The following RARB variants were observed in gnomAD, a reference collection of about 807,000 sequenced individuals.
The protein encoded by RARB is HBV-activated protein.
RARB carries 17 observed loss-of-function variants against 51.9 expected under a neutral mutation model. That is an observed-to-expected ratio of 0.33 (90% confidence interval 0.22 to 0.49). The LOEUF is 0.49. Among genes scored for constraint, RARB ranks in the 20% least tolerant of loss-of-function variants. The pLI, the probability that RARB is intolerant of heterozygous loss-of-function variation, is 0.99. For synonymous variants in RARB, 215 were observed against 195.4 expected (o/e 1.10, Z -0.84); for missense variants, 369 against 550.8 (o/e 0.67, Z 3.30).
At chr3:25,289,133 C>A (rs900668907) in intron 5 of RARB, among the ~76,000 whole-genome samples, 1 of 152,210 alleles carries the variant, frequency 6.6e-6, no homozygotes, top group Non-Finnish European at 1.5e-5. Flanking sequence ...AGATTTAGAG[C>A]CAACTTCAAT....
At chr3:25,248,093 C>T (rs977059995) in intron 5 of RARB, among the ~76,000 whole-genome samples, 4 of 151,992 alleles carry the variant, frequency 2.6e-5, no homozygotes, top group South Asian at 2.1e-4. Flanking sequence ...TTTTTATTTC[C>T]TCTTGCTGGA....
At chr3:25,259,661 TAGTATG>T (rs1227151408) in intron 5 of RARB, among the ~76,000 whole-genome samples, 6 of 152,210 alleles carry the variant, frequency 3.9e-5, no homozygotes, top group African/African-American at 7.2e-5. Flanking sequence ...TTACAGCAGC[TAGTATG>T]AGTATAACTA....
intron 3 of RARB, among the ~76,000 whole-genome samples, chr3:25,537,799 T>C (rs555402182): frequency 1.3e-5 from 2 of 152,320 alleles, no homozygotes; most frequent in South Asian, 4.1e-4. Flanking sequence ...ACTCTTGCTC[T>C]TCTTTACCCA....
intron 2 of RARB, among the ~76,000 whole-genome samples, chr3:24,899,667 G>GA (rs1000207868): frequency 1.1e-4 from 16 of 148,348 alleles, no homozygotes; most frequent in Admixed American, 2.7e-4. Flanking sequence ...GTTTTGAGGA[G>GA]AAAAAAAAAA....
intron 4 of RARB, among the ~76,000 whole-genome samples, chr3:25,576,341 G>T (rs1700928602): frequency 6.6e-6 from 1 of 152,172 alleles, no homozygotes; most frequent in Non-Finnish European, 1.5e-5. Context: ...CAGGGCTTTT[G>T]ATCTTTCTCA....
chr3:25,165,778 T>A (rs1490296758), intron 4 of RARB, among the ~76,000 whole-genome samples: 1 of 152,216 alleles, frequency 6.6e-6, no homozygotes, highest in Admixed American at 6.5e-5. Context: ...GGGTTGAGCA[T>A]TGACTCCCTA....
intron 3 of RARB, among the ~76,000 whole-genome samples, chr3:25,506,123 C>T (rs182779451): frequency 3.1e-4 from 47 of 152,022 alleles, no homozygotes; most frequent in Non-Finnish European, 4.6e-4. Context: ...CATGGTAGCG[C>T]GCTCCTATAA....
At chr3:25,585,631 T>A (rs1045546072) in intron 5 of RARB, among the ~76,000 whole-genome samples, 1 of 152,204 alleles carries the variant, frequency 6.6e-6, no homozygotes, top group African/African-American at 2.4e-5. Flanking sequence ...GCCACAGTGA[T>A]GCGTGGGTGG....
rs146503087 is a variant in RARB at position 25,580,302 on chromosome 3, A to T, written c.610-244A>T. Among the ~76,000 whole-genome samples the T allele has an allele frequency of 2.8e-4, 42 of 152,356 alleles. No individual in the cohort carries two copies. The East Asian group carries it at 6.8e-3, about 25-fold the overall frequency. On this transcript the variant is annotated intron_variant, in intron 4 of 7. Coordinates refer to ENST00000330688, the MANE Select transcript of RARB (RefSeq NM_000965.5). ...GGCAGGAGAATCGTTTGAACCCGGG[A>T]GGTGGAGGTTGCAGTGAGCTGAGAT... is the stretch of plus-strand genomic sequence containing the variant.
rs35087864 is a variant in RARB, at chr3:24,892,220, G to GA, written c.-380+33483dup. ...TCTAATTCACTTGAATGCCCTCTTA[G>GA]AAAAAAAAAAAAAAAGGGATGTAGG... On this transcript the variant is annotated intron_variant, in intron 2 of 11. Transcript: ENST00000383772. Among the ~76,000 whole-genome samples the GA allele has an allele frequency of 4.4e-3, 592 of 135,558 alleles. 7 individuals carry two copies. Among genetic ancestry groups the GA allele is most frequent in the East Asian group, 0.015 (67 of 4,428 alleles). The allele number at this position is 135,558 out of a possible 152,430, so 88.9% of individuals were successfully genotyped here.
intron 5 of RARB, among the ~76,000 whole-genome samples, chr3:25,389,624 G>T (rs1706892650): frequency 6.6e-6 from 1 of 152,160 alleles, no homozygotes; most frequent in Non-Finnish European, 1.5e-5. Flanking sequence ...TTGGGGGAAT[G>T]AGAAGCCTTG....
intron 3 of RARB, among the ~76,000 whole-genome samples, chr3:25,063,202 G>T (rs180896786): frequency 1.3e-5 from 2 of 152,046 alleles, no homozygotes; most frequent in Admixed American, 1.3e-4. Flanking sequence ...TACCAATGGT[G>T]GTACCTGCAA....
rs1704721518 is a variant in RARB, at chr3:25,326,558, AT to A, written c.179-134633del. ...GACAGGCTATGGTATTAAAAAGTAA[AT>A]TAAATAACTTCTTTTCATGATTTAC... On this transcript the variant is annotated intron_variant, in intron 5 of 11. Coordinates refer to the RARB transcript ENST00000383772. Among the ~76,000 whole-genome samples the A allele has an allele frequency of 2.0e-5, 3 of 152,346 alleles. No homozygotes were observed. The South Asian group carries it at 6.2e-4, about 32-fold the overall frequency.
intron 2 of RARB, among the ~76,000 whole-genome samples, chr3:24,946,949 C>A (rs1274393450): frequency 6.6e-6 from 1 of 152,128 alleles, no homozygotes; most frequent in South Asian, 2.1e-4. Flanking sequence ...ATGCATAAAC[C>A]TAATTAAAAA....
intron 2 of RARB, among the ~76,000 whole-genome samples, chr3:25,027,347 C>A (rs1015116573): frequency 6.6e-6 from 1 of 152,082 alleles, no homozygotes; most frequent in Non-Finnish European, 1.5e-5. Context: ...TGGTTGTACC[C>A]AAGCAGGCTG....
chr3:25,336,570 G>C (rs1279811170), intron 5 of RARB, among the ~76,000 whole-genome samples: 2 of 152,120 alleles, frequency 1.3e-5, no homozygotes, highest in African/African-American at 4.8e-5. Context: ...GAGGTTAAAT[G>C]CTTATAAGTA....
At chr3:25,448,818 T>C (rs1709062389) in intron 1 of RARB, among the ~76,000 whole-genome samples, 1 of 152,094 alleles carries the variant, frequency 6.6e-6, no homozygotes, top group Non-Finnish European at 1.5e-5. Context: ...TGATGCATTA[T>C]GTATTAGCCA....
chr3:25,160,809 T>G (rs1210381644), intron 4 of RARB, among the ~76,000 whole-genome samples: 1 of 152,178 alleles, frequency 6.6e-6, no homozygotes, highest in Non-Finnish European at 1.5e-5. Flanking sequence ...CTTGTTTCCT[T>G]GCCCTTTTCA....
intron 2 of RARB, among the ~76,000 whole-genome samples, chr3:24,917,613 C>T (rs1695133473): frequency 6.6e-6 from 1 of 152,228 alleles, no homozygotes; most frequent in Admixed American, 6.5e-5. Flanking sequence ...TCACTGCAAC[C>T]TCTGCCTCCT....
Sources: allele counts gnomAD v4.1 joint callset (sites outside exome capture counted in the v4.1 genomes callset), GRCh38; gene constraint gnomAD v4.1.1; transcripts MANE v1.5; gene names NCBI Gene and HGNC (gene_info 2026-07-23, HGNC 2026-07-21).